Variants in HKDC1 observed in about 807,000 individuals in gnomAD.
The protein encoded by HKDC1 is hexokinase domain containing 1.
Under a neutral mutation model 96.6 loss-of-function variants are expected in HKDC1, and 66 were observed. That is an observed-to-expected ratio of 0.68 (90% CI 0.56 to 0.84). The LOEUF (loss-of-function observed/expected upper bound fraction) is 0.84. Ranked by LOEUF, HKDC1 falls within the 40% of genes least tolerant of loss-of-function variation. HKDC1 has a pLI of 0.00. For synonymous variants in HKDC1, 466 were observed against 473.1 expected, an observed-to-expected ratio of 0.98 and a Z score of 0.20; for missense variants, 1,211 against 1,208.1, an observed-to-expected ratio of 1.00 and a Z score of -0.04.
chr10:69,251,096 T>C (rs1369385029), intron 12 of HKDC1, among the ~76,000 whole-genome samples: 8 of 147,070 alleles, frequency 5.4e-5, no homozygotes, highest in South Asian at 2.2e-4. Flanking sequence ...TCTTTTTTTT[T>C]TTTTTTTTTT....
At chr10:69,266,503 G>C in intron 17 of HKDC1, 107 bp from the exon 18 acceptor site, 1 of 1,172,124 alleles carries the variant, frequency 8.5e-7, no homozygotes, top group South Asian at 1.5e-5. Context: ...TTAGAGCCTT[G>C]AAAAGCAAAC....
chr10:69,229,461 A>G (rs987315578), intron 2 of HKDC1, among the ~76,000 whole-genome samples: 1 of 152,210 alleles, frequency 6.6e-6, no homozygotes, highest in African/African-American at 2.4e-5. Flanking sequence ...TGACGAGAGT[A>G]CTGGGACGTG....
chr10:69,255,653 A>G (rs1425689183), intron 12 of HKDC1, among the ~76,000 whole-genome samples: 1 of 152,144 alleles, frequency 6.6e-6, no homozygotes, highest in Non-Finnish European at 1.5e-5. Context: ...ACATCGGCTC[A>G]CCCCTGTAAT....
In HKDC1 at chr10:69,237,154, G is replaced by A. The variant is rs191094551; in HGVS notation, c.496-1888G>A. Among the ~76,000 whole-genome samples the A allele has an allele frequency of 1.7e-3, 262 of 152,220 alleles. 1 individual carries two copies. The highest frequency in any genetic ancestry group is 6.0e-3 in the African/African-American group (248 of 41,518). ...GAAAATGATTAAAGAAGGTAGGAGC[G>A]TGAGAATTCTTATTATGTTTAACCC... On this transcript the variant is annotated intron_variant, in intron 4 of 17. Coordinates refer to ENST00000354624, the MANE Select transcript of HKDC1 (RefSeq NM_025130.4).
At chr10:69,265,160 T>C (rs935247372) in intron 16 of HKDC1, among the ~76,000 whole-genome samples, 4 of 152,086 alleles carry the variant, frequency 2.6e-5, no homozygotes, top group Non-Finnish European at 5.9e-5. Flanking sequence ...GGCCAGAGTG[T>C]GGGAGCTGGC....
intron 10 of HKDC1, among the ~76,000 whole-genome samples, chr10:69,249,653 A>C (rs1003880785): frequency 1.2e-4 from 18 of 151,800 alleles, no homozygotes; most frequent in African/African-American, 3.9e-4. Context: ...CCAGCACCAC[A>C]CCCGGATAAT....
In HKDC1 at chr10:69,220,509, C is replaced by A; in HGVS notation, c.63+11C>A. On this transcript the variant is annotated intron_variant, in intron 1 of 17. Transcript: ENST00000354624. ...GACCAGATCAAGAAGGTAAGGAGGA[C>A]CCACGAAGCTGAGAGATGCCCAGCT... is the stretch of plus-strand genomic sequence containing the variant. 6.4e-7 allele frequency: 1 copy of A among 1,568,604 alleles called. No individual in the cohort carries two copies. Among genetic ancestry groups the A allele is most frequent in the Non-Finnish European group, 8.6e-7 (1 of 1,157,432 alleles).
At chr10:69,234,098 C>A (rs940148277) in intron 4 of HKDC1, among the ~76,000 whole-genome samples, 1 of 151,918 alleles carries the variant, frequency 6.6e-6, no homozygotes, top group Non-Finnish European at 1.5e-5. Flanking sequence ...AATAAGGGGA[C>A]GTTCTGGGGC....
At chr10:69,230,519 G>A (rs1211143787) in intron 2 of HKDC1, among the ~76,000 whole-genome samples, 2 of 152,214 alleles carry the variant, frequency 1.3e-5, no homozygotes, top group African/African-American at 2.4e-5. Context: ...AGTGACTTAC[G>A]AGAAGGGAAC....
intron 2 of HKDC1, chr10:69,232,554 A>AT (rs1843282744): frequency 1.7e-6 from 1 of 582,016 alleles, no homozygotes; most frequent in Non-Finnish European, 3.0e-6. Context: ...CAGGCTGCAG[A>AT]GTCAGGCTGA....
intron 4 of HKDC1, among the ~76,000 whole-genome samples, chr10:69,236,140 G>A (rs1360737540): frequency 5.5e-5 from 8 of 145,012 alleles, no homozygotes; most frequent in Non-Finnish European, 3.0e-5. Context: ...TTTTTTTTGA[G>A]CTCTGTCGCC....
chr10:69,248,320 C>CA, intron 9 of HKDC1, 104 bp from the exon 10 acceptor site: 1 of 1,163,628 alleles, frequency 8.6e-7, no homozygotes, highest in Non-Finnish European at 1.2e-6. Flanking sequence ...GGCTGAGCCC[C>CA]GCCCCGCAGG....
In HKDC1 at chr10:69,227,215, G is replaced by C; in HGVS notation, c.72G>C (p.Arg24Ser). The C allele has an allele frequency of 1.2e-6, 2 of 1,614,164 alleles. No individual in the cohort carries two copies. Among genetic ancestry groups the C allele is most frequent in the Non-Finnish European group, 1.7e-6 (2 of 1,180,008 alleles). ...LKEDQIKKVD[R>S]FLYHMRLSDD... The stretch of plus-strand genomic sequence containing the variant: ...GCCGGTGTCTGTTCCAGGTGGACAG[G>C]TTCCTGTATCACATGCGGCTCTCCG... The change falls in exon 2 of 18, where the codon AGG becomes AGC. Residue 24 changes from arginine (R) to serine (S), a missense_variant. Arg to Ser is a moderately radical substitution (Grantham distance 110, BLOSUM62 -1). Coordinates refer to ENST00000354624, the MANE Select transcript of HKDC1 (RefSeq NM_025130.4).
Position 69,246,118 on chromosome 10 carries a change from T to C in HKDC1, c.915T>C (p.Leu305=), listed in dbSNP as rs1447683855. 1 of 1,614,236 alleles carries C rather than the reference T, an allele frequency of 6.2e-7. No individual in the cohort carries two copies. Among genetic ancestry groups the C allele is most frequent in the African/African-American group, 1.3e-5 (1 of 75,060 alleles). Residue 305 remains leucine, a synonymous_variant, in exon 8 of 18, where the codon CTT becomes CTC. Transcript: ENST00000354624. ...TCAGTGGCCTGTACCTGGGGGAGCT[T>C]GTCAGGCTTATCTTGCTGAAGATGG... ...KMISGLYLGE[L]VRLILLKMAK...
At chr10:69,232,576 T>C in intron 2 of HKDC1, 188 bp from the exon 3 acceptor site, 1 of 609,212 alleles carries the variant, frequency 1.6e-6, no homozygotes, top group Non-Finnish European at 2.9e-6. Flanking sequence ...TTAGTTCACA[T>C]CTCAGCTCTG....
intron 16 of HKDC1, among the ~76,000 whole-genome samples, chr10:69,263,012 T>G (rs1843832991): frequency 1.3e-5 from 2 of 152,288 alleles, no homozygotes; most frequent in South Asian, 4.1e-4. Flanking sequence ...TTGCTTCTGC[T>G]GCACAAGAGG....
At chr10:69,237,253 A>G (rs1213342272) in intron 4 of HKDC1, among the ~76,000 whole-genome samples, 2 of 150,706 alleles carry the variant, frequency 1.3e-5, no homozygotes. Flanking sequence ...GGGAACAGAA[A>G]GTCTTAACCA....
chr10:69,245,567 C>T (rs895055340), intron 7 of HKDC1, among the ~76,000 whole-genome samples: 6 of 92,824 alleles, frequency 6.5e-5, no homozygotes, highest in Middle Eastern at 4.9e-3. Flanking sequence ...GAGATCCTGT[C>T]TCCAATAATA....
At chr10:69,239,207 G>A (rs1240604817) in intron 5 of HKDC1, 70 bp downstream of exon 5, 1 of 1,173,828 alleles carries the variant, frequency 8.5e-7, no homozygotes, top group East Asian at 2.4e-5. Context: ...GGTGGGGCTG[G>A]GGGTGAGGTG....
Sources: allele counts gnomAD v4.1 joint callset (sites outside exome capture counted in the v4.1 genomes callset), GRCh38; gene constraint gnomAD v4.1.1; transcripts MANE v1.5; gene names NCBI Gene and HGNC (gene_info 2026-07-23, HGNC 2026-07-21).